The following CRISPLD2 variants were observed in gnomAD, a reference collection of about 807,000 sequenced individuals.
CRISPLD2 encodes cysteine rich secretory protein LCCL domain containing 2.
Under a neutral mutation model 71.1 loss-of-function variants are expected in CRISPLD2, and 47 were observed. That is an observed-to-expected ratio of 0.66 (90% CI 0.52 to 0.84). CRISPLD2 has a LOEUF of 0.84. CRISPLD2 is among the 40% of genes least tolerant of loss of function. The pLI, the probability that CRISPLD2 is intolerant of heterozygous loss-of-function variation, is 0.00. For synonymous variants in CRISPLD2, 317 were observed against 250.1 expected, an observed-to-expected ratio of 1.27 and a Z score of -2.52; for missense variants, 830 against 651.1, an observed-to-expected ratio of 1.27 and a Z score of -2.99.
rs113555243 is a variant in CRISPLD2, at chr16:84,883,501, C to T, written c.1305+2917C>T. ...TCTGAACCTCAGTCTTCTGTCCTCCCCATCCCACTTGGTGCTTGGATACGT... is the reference window on the plus strand; with the variant it reads ...TCTGAACCTCAGTCTTCTGTCCTCCTCATCCCACTTGGTGCTTGGATACGT... On this transcript the variant is annotated intron_variant, in intron 13 of 14. Coordinates refer to ENST00000262424, the MANE Select transcript of CRISPLD2 (RefSeq NM_031476.4). Among the ~76,000 whole-genome samples the T allele has an allele frequency of 1.1e-3, 166 of 152,320 alleles. 1 individual carries two copies. The highest frequency in any genetic ancestry group is 3.9e-3 in the African/African-American group (161 of 41,580).
rs761191112 is a variant in CRISPLD2, at chr16:84,889,336, C to T, written c.1412C>T (p.Ser471Leu). Residue 471 changes from serine (S) to leucine (L), a missense_variant, in exon 14 of 15, where the codon TCG (serine) becomes TTG (leucine). Physicochemically the swap from Ser to Leu is moderately radical, Grantham distance 145. Transcript: ENST00000262424. ...PVDKKKTYVG[S>L]LRNGVQSESL... ...GATAAAAAGAAGACCTACGTGGGCT[C>T]GCTCAGGAATGGAGTTCAGTCTGAA... 25 of 1,613,648 alleles carry T rather than the reference C, an allele frequency of 1.5e-5. No individual in the cohort carries two copies. The highest frequency in any genetic ancestry group is 3.3e-5 in the South Asian group (3 of 91,058).
At chr16:84,832,594 G>A (rs1916515614) in intron 1 of CRISPLD2, among the ~76,000 whole-genome samples, 2 of 152,266 alleles carry the variant, frequency 1.3e-5, no homozygotes, top group Admixed American at 1.3e-4. Flanking sequence ...CTAGGAAGCC[G>A]TGCTCCTCGG....
chr16:84,858,871 C>T (rs151134806), intron 6 of CRISPLD2, among the ~76,000 whole-genome samples: 1 of 152,254 alleles, frequency 6.6e-6, no homozygotes, highest in Non-Finnish European at 1.5e-5. Context: ...AGCAATGAAA[C>T]CACATCTGGT....
At chr16:84,851,559 C>A (rs1442070430) in intron 5 of CRISPLD2, among the ~76,000 whole-genome samples, 1 of 152,192 alleles carries the variant, frequency 6.6e-6, no homozygotes, top group Non-Finnish European at 1.5e-5. Flanking sequence ...GGGGGAATCG[C>A]TGAGGTTGGG....
At chr16:84,888,113 T>TA (rs2071628917) in intron 13 of CRISPLD2, among the ~76,000 whole-genome samples, 1 of 152,214 alleles carries the variant, frequency 6.6e-6, no homozygotes, top group African/African-American at 2.4e-5. Flanking sequence ...GTCACCAGGC[T>TA]AAAATCAAGG....
intron 14 of CRISPLD2, among the ~76,000 whole-genome samples, chr16:84,895,176 A>G (rs570931097): frequency 6.6e-6 from 1 of 152,178 alleles, no homozygotes; most frequent in Non-Finnish European, 1.5e-5. Context: ...TTTTATCAGT[A>G]AAGGAAGGGA....
chr16:84,838,942 G>T (rs1396593794), intron 2 of CRISPLD2: 1 of 735,512 alleles, frequency 1.4e-6, no homozygotes, highest in East Asian at 2.7e-5. Flanking sequence ...ACGCTGGAGT[G>T]CAATGGCACA....
intron 14 of CRISPLD2, among the ~76,000 whole-genome samples, chr16:84,891,379 G>T (rs2071661239): frequency 6.6e-6 from 1 of 152,174 alleles, no homozygotes; most frequent in African/African-American, 2.4e-5. Context: ...CTTGTACCCA[G>T]ATCGTGCCCA....
chr16:84,826,626 C>T (rs765069162), intron 1 of CRISPLD2, among the ~76,000 whole-genome samples: 1 of 151,966 alleles, frequency 6.6e-6, no homozygotes, highest in Non-Finnish European at 1.5e-5. Context: ...CGGTTTATTC[C>T]CCGGGACCTG....
chr16:84,897,757 C>T (rs2071719017), intron 14 of CRISPLD2, among the ~76,000 whole-genome samples: 6 of 152,178 alleles, frequency 3.9e-5, no homozygotes, highest in Admixed American at 2.0e-4. Context: ...GCTGGGATTA[C>T]AGGCACCCAC....
chr16:84,825,360 C>T (rs1916326762), intron 1 of CRISPLD2, among the ~76,000 whole-genome samples: 1 of 151,996 alleles, frequency 6.6e-6, no homozygotes. Flanking sequence ...CCCAGGAGTT[C>T]GAGTCCAGCT....
Position 84,843,897 on chromosome 16 carries a change from T to C in CRISPLD2, c.241-1889T>C, listed in dbSNP as rs569693201. Among the ~76,000 whole-genome samples the C allele has an allele frequency of 3.9e-5, 6 of 152,174 alleles. No individual in the cohort carries two copies. The East Asian group carries it at 1.2e-3, about 29-fold the overall frequency. ...TTGTTGCCCCTTGGCTGTTGAGGAG[T>C]CTTGCTGGGACACGGGGAGAGAGGG... On this transcript the variant is annotated intron_variant, in intron 2 of 14. Coordinates refer to ENST00000262424, the MANE Select transcript of CRISPLD2 (RefSeq NM_031476.4).
intron 5 of CRISPLD2, among the ~76,000 whole-genome samples, chr16:84,854,172 G>A (rs1265277575): frequency 6.6e-6 from 1 of 152,230 alleles, no homozygotes; most frequent in Non-Finnish European, 1.5e-5. Context: ...CCTGGGGCAA[G>A]TCACTTAACC....
At chr16:84,895,332 G>A (rs2071697034) in intron 14 of CRISPLD2, among the ~76,000 whole-genome samples, 1 of 152,084 alleles carries the variant, frequency 6.6e-6, no homozygotes, top group Non-Finnish European at 1.5e-5. Context: ...ACTGAACTTG[G>A]GGCACAGACC....
At chr16:84,828,303 C>G (rs1916405603) in intron 1 of CRISPLD2, 1 of 152,166 alleles carries the variant, frequency 6.6e-6, no homozygotes. Context: ...TCCTGGGATT[C>G]TGTCACTGGG....
At chr16:84,835,855 G>A (rs142666334) in intron 1 of CRISPLD2, among the ~76,000 whole-genome samples, 463 of 152,342 alleles carry the variant, frequency 3.0e-3, no homozygotes, top group African/African-American at 0.011. Flanking sequence ...TCAGGAGGAC[G>A]TGCCAGAGGA....
At chr16:84,837,762 C>A (rs529375377) in intron 1 of CRISPLD2, among the ~76,000 whole-genome samples, 2 of 152,182 alleles carry the variant, frequency 1.3e-5, no homozygotes, top group African/African-American at 4.8e-5. Flanking sequence ...AACAGCCTGA[C>A]CTCCTGGGTT....
At chr16:84,891,611 T>C (rs987372726) in intron 14 of CRISPLD2, among the ~76,000 whole-genome samples, 1 of 150,972 alleles carries the variant, frequency 6.6e-6, no homozygotes, top group Non-Finnish European at 1.5e-5. Context: ...TTTATTGAGC[T>C]CTTTGTACCC....
intron 6 of CRISPLD2, among the ~76,000 whole-genome samples, chr16:84,859,538 C>G (rs185315311): frequency 1.1e-4 from 17 of 152,338 alleles, no homozygotes; most frequent in Admixed American, 5.9e-4. Context: ...GACCTAGCCT[C>G]CCCTTCATTC....
Sources: gnomAD v4.1 joint callset for allele counts (sites outside exome capture counted in the v4.1 genomes callset) on GRCh38, gnomAD v4.1.1 for gene constraint, MANE v1.5 for transcripts, NCBI Gene and HGNC (gene_info 2026-07-23, HGNC 2026-07-21) for gene names.